Variants in TGM7 observed in about 807,000 individuals in gnomAD.
The protein encoded by TGM7 is protein-glutamine gamma-glutamyltransferase Z.
In TGM7, 74 loss-of-function variants were observed where a neutral mutation model predicts 79.5. The ratio of observed to expected loss-of-function variants is 0.93; its 90% CI spans 0.77 to 1.13. The LOEUF is 1.13. Ranked by LOEUF, TGM7 falls within the 50% of genes most tolerant of loss-of-function variation. TGM7 has a pLI of 0.00. For synonymous variants in TGM7, 354 were observed against 362.5 expected (o/e 0.98, Z 0.27); for missense variants, 912 against 905.9 (o/e 1.01, Z -0.09).
chr15:43,290,537 T>C (rs1177829781), intron 4 of TGM7, among the ~76,000 whole-genome samples: 2 of 152,238 alleles, frequency 1.3e-5, no homozygotes, highest in Non-Finnish European at 2.9e-5. Flanking sequence ...AGGATTGACT[T>C]GGCAATGCAG....
chr15:43,279,034 G>T, intron 11 of TGM7, 83 bp downstream of exon 11: 4 of 1,449,440 alleles, frequency 2.8e-6, no homozygotes, highest in Non-Finnish European at 3.8e-6. Flanking sequence ...GGTGGGAACA[G>T]TGTCTTGTTG....
chr15:43,284,750 C>G, intron 7 of TGM7, 64 bp downstream of exon 7: 1 of 1,577,962 alleles, frequency 6.3e-7, no homozygotes, highest in Non-Finnish European at 8.7e-7. Flanking sequence ...CCAGAGAGAA[C>G]CAGGTCAGTT....
At chr15:43,298,164 G>A (rs2043009509) in intron 1 of TGM7, among the ~76,000 whole-genome samples, 1 of 152,196 alleles carries the variant, frequency 6.6e-6, no homozygotes, top group Non-Finnish European at 1.5e-5. Flanking sequence ...GGCTCCAGAG[G>A]CCGCCCCCTT....
intron 11 of TGM7, among the ~76,000 whole-genome samples, chr15:43,278,428 C>T (rs1024730516): frequency 2.6e-5 from 4 of 152,144 alleles, no homozygotes; most frequent in East Asian, 1.9e-4. Context: ...CATTTGTTTC[C>T]GTCTTTGTCA....
chr15:43,293,032 C>G (rs919159890), intron 2 of TGM7, 78 bp from the exon 3 acceptor site: 2 of 1,548,980 alleles, frequency 1.3e-6, no homozygotes, highest in Admixed American at 1.9e-5. Flanking sequence ...TCGGAAGGAC[C>G]GTCACCTTCT....
At chr15:43,279,536 G>T in intron 10 of TGM7, 89 bp downstream of exon 10, 1 of 1,444,694 alleles carries the variant, frequency 6.9e-7, no homozygotes. Flanking sequence ...AGGGGTCTGT[G>T]TGTAATCTGG....
intron 3 of TGM7, 121 bp from the exon 4 acceptor site, chr15:43,292,218 A>G (rs1045818304): frequency 3.0e-6 from 2 of 669,516 alleles, no homozygotes; most frequent in Non-Finnish European, 5.2e-6. Context: ...ATGGGTTGAT[A>G]GCAACAGAAA....
At chr15:43,292,555 A>G (rs969582792) in intron 3 of TGM7, among the ~76,000 whole-genome samples, 154 bp downstream of exon 3, 3 of 152,250 alleles carry the variant, frequency 2.0e-5, no homozygotes, top group African/African-American at 7.2e-5. Flanking sequence ...TCCTCATGCC[A>G]TTAGAAATTC....
In TGM7 at chr15:43,293,557, C is replaced by G; in HGVS notation, c.85G>C (p.Gly29Arg). 6.2e-7 allele frequency: 1 copy of G among 1,611,250 alleles called. No individual in the cohort carries two copies. The highest frequency in any genetic ancestry group is 1.1e-5 in the South Asian group (1 of 90,962). ...NNKEHHTQEM[G>R]VKRLTVRRGQ... Reference sequence around the variant, plus strand: ...CGGCGCACAGTGAGCCGCTTGACGCCCATCTCCTGCGTGTGGTGCTCCTTG... The same window carrying G: ...CGGCGCACAGTGAGCCGCTTGACGCGCATCTCCTGCGTGTGGTGCTCCTTG... The change falls in exon 2 of 13, where the codon GGC becomes CGC. Residue 29 changes from glycine (G) to arginine (R), a missense_variant. Coordinates refer to ENST00000452443, the MANE Select transcript of TGM7 (RefSeq NM_052955.3).
chr15:43,298,950 T>C (rs2043013479), intron 1 of TGM7, among the ~76,000 whole-genome samples: 1 of 151,562 alleles, frequency 6.6e-6, no homozygotes, highest in Admixed American at 6.6e-5. Flanking sequence ...TCTTATCTGA[T>C]GATTCCAACT....
intron 4 of TGM7, 72 bp from the exon 5 acceptor site, chr15:43,287,741 C>T: frequency 6.5e-7 from 1 of 1,542,954 alleles, no homozygotes; most frequent in Non-Finnish European, 8.7e-7. Context: ...AAGTCACTAA[C>T]AGACTTTTGG....
intron 11 of TGM7, among the ~76,000 whole-genome samples, chr15:43,278,893 T>A (rs528934024): frequency 6.6e-6 from 1 of 152,344 alleles, no homozygotes; most frequent in African/African-American, 2.4e-5. Context: ...CCATCTAATT[T>A]CTCTATAGTT....
At chr15:43,288,095 G>A (rs977617908) in intron 4 of TGM7, among the ~76,000 whole-genome samples, 1 of 152,172 alleles carries the variant, frequency 6.6e-6, no homozygotes. Flanking sequence ...AGGGATCAGA[G>A]CAGAAAAAGT....
chr15:43,288,035 TG>T (rs2042944876), intron 4 of TGM7, among the ~76,000 whole-genome samples: 1 of 151,616 alleles, frequency 6.6e-6, no homozygotes, highest in Non-Finnish European at 1.5e-5. Context: ...TTGAGCATGG[TG>T]GGTATCAAGG....
Position 43,293,651 on chromosome 15 carries a change from A to G in TGM7, c.11-20T>C, listed in dbSNP as rs763450562. On this transcript the variant is annotated intron_variant, in intron 1 of 12. Transcript: ENST00000452443. ...TTGCCACTAGGGGAGAGGAGGGGAC[A>G]GGTCACGCCCACCTGCAGTCCCCTG... 10 of 1,572,560 alleles carry G rather than the reference A, an allele frequency of 6.4e-6. No homozygotes were observed. The African/African-American group carries it at 1.4e-4, about 22-fold the overall frequency.
At position 43,276,978 on chromosome 15, in the gene TGM7, C is replaced by T. The variant is rs1396506986; in HGVS notation, c.1857G>A (p.Glu619=). 1 of 1,614,066 alleles carries T rather than the reference C, an allele frequency of 6.2e-7. No homozygotes were observed. ...HLSIEVSERA[E]VGKALRVHVT... ...CATGGACTCTCAGCGCCTTGCCCACCTCAGCCCTCTCAGACACCTGTGTGG... is the reference window on the plus strand; with the variant it reads ...CATGGACTCTCAGCGCCTTGCCCACTTCAGCCCTCTCAGACACCTGTGTGG... Residue 619 remains glutamate (E), a synonymous_variant, in exon 12 of 13, where the codon GAG becomes GAA. Transcript: ENST00000452443.
At chr15:43,277,733 G>A (rs1452660928) in intron 11 of TGM7, among the ~76,000 whole-genome samples, 3 of 152,210 alleles carry the variant, frequency 2.0e-5, no homozygotes, top group Non-Finnish European at 4.4e-5. Context: ...CAGTAAGCAC[G>A]TGTTGAACTG....
intron 6 of TGM7, among the ~76,000 whole-genome samples, chr15:43,286,381 C>A (rs2042935848): frequency 6.6e-6 from 1 of 152,222 alleles, no homozygotes; most frequent in Non-Finnish European, 1.5e-5. Flanking sequence ...GGCCTGGGGA[C>A]TTCCCAGCCC....
intron 4 of TGM7, 138 bp from the exon 5 acceptor site, chr15:43,287,807 A>G: frequency 1.0e-6 from 1 of 962,550 alleles, no homozygotes; most frequent in Non-Finnish European, 1.5e-6. Flanking sequence ...ATATAAGACA[A>G]GTTCCTGCCT....
Sources: allele counts gnomAD v4.1 joint callset (sites outside exome capture counted in the v4.1 genomes callset), GRCh38; gene constraint gnomAD v4.1.1; transcripts MANE v1.5; gene names NCBI Gene and HGNC (gene_info 2026-07-23, HGNC 2026-07-21).